LPCAT1: variants seen among roughly 807,000 people sequenced by gnomAD.
The protein encoded by LPCAT1 is lysophosphatidylcholine acyltransferase 1.
Under a neutral mutation model 60.9 loss-of-function variants are expected in LPCAT1, and 23 were observed. The ratio of observed to expected loss-of-function variants is 0.38; its 90% CI spans 0.27 to 0.53. The LOEUF is 0.53. LPCAT1 is among the 20% of genes least tolerant of loss of function. The pLI, the probability that LPCAT1 is intolerant of heterozygous loss-of-function variation, is 0.82. For missense variants in LPCAT1, 622 were observed against 723.6 expected (o/e 0.86, Z 1.61); for synonymous variants, 340 against 301.1 (o/e 1.13, Z -1.34).
rs1734981411 is a variant in LPCAT1, at chr5:1,477,740, C to T, written c.817-254G>A. ...GCACCTGCTGCCTACATCAGAACAT[C>T]TGGCTCTCTGATCTACACTCACCCC... On this transcript the variant is annotated intron_variant, in intron 8 of 13. Coordinates refer to ENST00000283415, the MANE Select transcript of LPCAT1 (RefSeq NM_024830.5). The surrounding 1 kb of genome is among the most constrained non-coding windows in gnomAD (Gnocchi z 6.0). 6.6e-6 allele frequency among the ~76,000 whole-genome samples: 1 copy of T among 151,202 alleles called. No individual in the cohort carries two copies. Among genetic ancestry groups the T allele is most frequent in the Non-Finnish European group, 1.5e-5 (1 of 67,736 alleles).
At chr5:1,473,396 G>A (rs541078108) in intron 11 of LPCAT1, among the ~76,000 whole-genome samples, 77 of 152,364 alleles carry the variant, frequency 5.1e-4, no homozygotes, top group African/African-American at 1.7e-3. Flanking sequence ...GTGCCACCTC[G>A]CACCTTCCTA....
At chr5:1,491,631 G>A (rs1432609646) in intron 3 of LPCAT1, among the ~76,000 whole-genome samples, 1 of 152,200 alleles carries the variant, frequency 6.6e-6, no homozygotes, top group Non-Finnish European at 1.5e-5. Context: ...CGGGAGCCCT[G>A]AGGAGGGAAG....
rs1032960752 is a variant in LPCAT1 at position 1,476,131 on chromosome 5, T to C, written c.899+1273A>G. Among the ~76,000 whole-genome samples the C allele has an allele frequency of 2.6e-5, 4 of 152,178 alleles. No individual in the cohort carries two copies. Among genetic ancestry groups the C allele is most frequent in the Non-Finnish European group, 5.9e-5 (4 of 68,024 alleles). On this transcript the variant is annotated intron_variant, in intron 9 of 13. Coordinates refer to ENST00000283415, the MANE Select transcript of LPCAT1 (RefSeq NM_024830.5). The surrounding 1 kb of genome is among the most constrained non-coding windows in gnomAD (Gnocchi z 8.6). ...AAATGGAGGGTTCTAAAATAATCAG[T>C]GAGGCCCACAGGCGATCTCTCCTTG...
Position 1,476,559 on chromosome 5 carries a change from T to C in LPCAT1, c.899+845A>G, listed in dbSNP as rs1394206950. On this transcript the variant is annotated intron_variant, in intron 9 of 13. Transcript: ENST00000283415. The surrounding 1 kb of genome is among the most constrained non-coding windows in gnomAD (Gnocchi z 8.6). ...AGTTCCCAGCCATGCCCCGACCTGC[T>C]GCAGCAGGAGCCTGGGGGTGGGGCC... 6.6e-6 allele frequency among the ~76,000 whole-genome samples: 1 copy of C among 152,140 alleles called. No individual in the cohort carries two copies. Among genetic ancestry groups the C allele is most frequent in the Non-Finnish European group, 1.5e-5 (1 of 68,022 alleles).
At position 1,474,661 on chromosome 5, in the gene LPCAT1, G is replaced by A. The variant is rs749719146; in HGVS notation, c.924C>T (p.Asp308=). 6.2e-7 allele frequency: 1 copy of A among 1,613,784 alleles called. No homozygotes were observed. Among genetic ancestry groups the A allele is most frequent in the East Asian group, 2.2e-5 (1 of 44,896 alleles). Residue 308 remains aspartate, a synonymous_variant, in exon 10 of 14, where the codon GAC becomes GAT. Coordinates refer to ENST00000283415, the MANE Select transcript of LPCAT1 (RefSeq NM_024830.5). ...MAEALGVSVT[D]YTFEDCQLAL... ...CCAGCTGGCAGTCCTCGAACGTGTA[G>A]TCAGTCACGGAGACACCCAAGGCCC...
chr5:1,464,751 C>CA (rs1361043594), intron 13 of LPCAT1, among the ~76,000 whole-genome samples: 1 of 130,788 alleles, frequency 7.6e-6, no homozygotes, highest in Non-Finnish European at 1.6e-5. Context: ...CACACACACA[C>CA]AAAACAAGCA....
intron 5 of LPCAT1, among the ~76,000 whole-genome samples, chr5:1,484,549 T>C (rs534420933): frequency 1.3e-5 from 2 of 152,264 alleles, no homozygotes; most frequent in East Asian, 3.9e-4. Context: ...TGCCACTATG[T>C]GGTCAGGAAT....
At chr5:1,510,901 G>A (rs1736336350) in intron 1 of LPCAT1, 1 of 152,520 alleles carries the variant, frequency 6.6e-6, no homozygotes, top group African/African-American at 2.4e-5. Flanking sequence ...GCCTGGAGGA[G>A]TGCAGTGTCT....
rs1304059962 is a variant in LPCAT1 at position 1,523,395 on chromosome 5, C to T, written c.135+315G>A. ...GGGAGGCAGAGAAAGGGTTGTGGGCCCGGTTCAGGGTGCAGGGGTCTGGGG... is the reference window on the plus strand; with the variant it reads ...GGGAGGCAGAGAAAGGGTTGTGGGCTCGGTTCAGGGTGCAGGGGTCTGGGG... On this transcript the variant is annotated intron_variant, in intron 1 of 13. Coordinates refer to ENST00000283415, the MANE Select transcript of LPCAT1 (RefSeq NM_024830.5). The surrounding 1 kb of genome is among the most constrained non-coding windows in gnomAD (Gnocchi z 7.1). Among the ~76,000 whole-genome samples, 2 of 151,732 alleles carry T rather than the reference C, an allele frequency of 1.3e-5. No individual in the cohort carries two copies. The highest frequency in any genetic ancestry group is 2.9e-5 in the Non-Finnish European group (2 of 67,874).
chr5:1,493,077 T>G (rs1735652089), intron 3 of LPCAT1, among the ~76,000 whole-genome samples: 1 of 152,234 alleles, frequency 6.6e-6, no homozygotes, highest in South Asian at 2.1e-4. Flanking sequence ...AACCTGCGTG[T>G]GAGAGCCAAG....
rs551762840 is a variant in LPCAT1, at chr5:1,484,837, T to G, written c.668-1351A>C. Among the ~76,000 whole-genome samples the G allele has an allele frequency of 3.9e-5, 6 of 152,314 alleles. No individual in the cohort carries two copies. The South Asian group carries it at 1.2e-3, about 32-fold the overall frequency. On this transcript the variant is annotated intron_variant, in intron 5 of 13. Coordinates refer to ENST00000283415, the MANE Select transcript of LPCAT1 (RefSeq NM_024830.5). ...AGCTTCCCCTGTGTCCAGGGCTGGG[T>G]TGCCCCCTTCCTGCTGTGGGCTCAG...
intron 3 of LPCAT1, among the ~76,000 whole-genome samples, chr5:1,492,203 GGAA>G (rs763486792): frequency 1.9e-4 from 29 of 151,598 alleles, no homozygotes; most frequent in Non-Finnish European, 3.4e-4. Flanking sequence ...CTGGGATGGG[GGAA>G]GATTATCTCT....
At chr5:1,497,241 G>A (rs1455957413) in intron 2 of LPCAT1, among the ~76,000 whole-genome samples, 1 of 152,242 alleles carries the variant, frequency 6.6e-6, no homozygotes, top group African/African-American at 2.4e-5. Flanking sequence ...GGAAAGACTG[G>A]GAAATGAGGA....
chr5:1,508,155 T>C (rs36966), intron 1 of LPCAT1, among the ~76,000 whole-genome samples: 60,195 of 151,988 alleles, frequency 0.4, 12,396 homozygotes, highest in Middle Eastern at 0.6. Flanking sequence ...ACCTCGTCTG[T>C]GGTCCTTTGT....
chr5:1,499,423 A>C (rs1276452363), intron 2 of LPCAT1, among the ~76,000 whole-genome samples: 1 of 152,082 alleles, frequency 6.6e-6, no homozygotes, highest in Non-Finnish European at 1.5e-5. Flanking sequence ...CAGAACCCCC[A>C]CTTTCTAGCT....
At chr5:1,470,780 G>A in intron 12 of LPCAT1, 46 bp downstream of exon 12, 3 of 1,464,432 alleles carry the variant, frequency 2.0e-6, no homozygotes, top group African/African-American at 1.4e-5. Context: ...TGACGTGACT[G>A]CACCGCCCTG....
At chr5:1,482,264 C>T (rs191498041) in intron 6 of LPCAT1, among the ~76,000 whole-genome samples, 2 of 151,292 alleles carry the variant, frequency 1.3e-5, no homozygotes, top group Admixed American at 6.6e-5. Context: ...GCCCTGAGCT[C>T]GGCGGCAGGC....
In LPCAT1 at chr5:1,489,078, G is replaced by A. The variant is rs555793523; in HGVS notation, c.607-627C>T. ...GAGGAAGACAGACCTCAGGGGGGCC[G>A]GCGTGGGCTCACCCTGGCAAGCCCA... is the stretch of plus-strand genomic sequence containing the variant. On this transcript the variant is annotated intron_variant, in intron 4 of 13. Coordinates refer to ENST00000283415, the MANE Select transcript of LPCAT1 (RefSeq NM_024830.5). 8.5e-5 allele frequency among the ~76,000 whole-genome samples: 13 copies of A among 152,338 alleles called. No individual in the cohort carries two copies. In the South Asian group the frequency reaches 2.7e-3, roughly 32 times the overall value.
At chr5:1,513,276 C>A (rs1736409953) in intron 1 of LPCAT1, among the ~76,000 whole-genome samples, 1 of 152,212 alleles carries the variant, frequency 6.6e-6, no homozygotes, top group Admixed American at 6.5e-5. Flanking sequence ...GACACCCAGC[C>A]AGAGTTCTGT....
Sources: gnomAD v4.1 joint callset for allele counts (sites outside exome capture counted in the v4.1 genomes callset) on GRCh38, gnomAD v4.1.1 for gene constraint, Gnocchi (gnomAD v3.1) non-coding constraint, MANE v1.5 for transcripts, NCBI Gene and HGNC (gene_info 2026-07-23, HGNC 2026-07-21) for gene names.